PSMA2: variants seen among roughly 807,000 people sequenced by gnomAD.
The protein encoded by PSMA2 is proteasome subunit alpha type-2.
In PSMA2, 2 loss-of-function variants were observed where a neutral mutation model predicts 35.9. The observed-to-expected ratio is 0.06, with a 90% CI of 0.02 to 0.18. PSMA2 has a LOEUF of 0.18. Ranked by LOEUF, PSMA2 falls within the 10% of genes least tolerant of loss-of-function variation. The pLI, the probability that PSMA2 is intolerant of heterozygous loss-of-function variation, is 1.00. For missense variants in PSMA2, 126 were observed against 278.8 expected, an observed-to-expected ratio of 0.45 and a Z score of 3.90; for synonymous variants, 97 against 98.2, an observed-to-expected ratio of 0.99 and a Z score of 0.07.
chr7:42,918,891 T>C (rs371615205), intron 6 of PSMA2: 145 of 186,302 alleles, frequency 7.8e-4, no homozygotes, highest in African/African-American at 3.2e-3. Context: ...TGGTGCAATC[T>C]TGGCTCACTG....
intron 7 of PSMA2, 27 bp downstream of exon 7, chr7:42,917,751 A>C (rs758160167): frequency 1.5e-5 from 24 of 1,611,136 alleles, no homozygotes; most frequent in Non-Finnish European, 2.0e-5. Context: ...AATCATTATA[A>C]ATCCAGTTGT....
intron 1 of PSMA2, among the ~76,000 whole-genome samples, chr7:42,929,507 G>A (rs751508688): frequency 4.6e-5 from 7 of 152,092 alleles, no homozygotes; most frequent in Admixed American, 2.0e-4. Context: ...ACTAACCTGT[G>A]AGCTGGCTGA....
At chr7:42,928,880 A>T (rs1416272699) in intron 1 of PSMA2, among the ~76,000 whole-genome samples, 1 of 152,068 alleles carries the variant, frequency 6.6e-6, no homozygotes, top group Non-Finnish European at 1.5e-5. Flanking sequence ...GTCCTAAGGG[A>T]AGTTGCCCTG....
Position 42,926,665 on chromosome 7 carries a change from G to T in PSMA2, c.122C>A (p.Ala41Glu). ...CTCAGTTGCTAATACCACACCATTT[G>T]CAGCTTAAAAAAAAAGAGAGAGACA... ...GGAPSVGIKAANGVVLATEKK... is the reference protein window; with the variant it reads ...GGAPSVGIKAENGVVLATEKK... The change falls in exon 3 of 8, where the codon GCA becomes GAA. Residue 41 changes from alanine to glutamate, a missense_variant. Ala to Glu is a moderately radical substitution (Grantham distance 107, BLOSUM62 -1). Transcript: ENST00000223321. 1 of 1,590,228 alleles carries T rather than the reference G, an allele frequency of 6.3e-7. No homozygotes were observed. The highest frequency in any genetic ancestry group is 8.5e-7 in the Non-Finnish European group (1 of 1,172,430).
intron 5 of PSMA2, among the ~76,000 whole-genome samples, chr7:42,922,181 C>A (rs997673740): frequency 2.6e-5 from 4 of 152,076 alleles, no homozygotes; most frequent in African/African-American, 9.7e-5. Flanking sequence ...ATGGTTTCTT[C>A]AGGCATTTAC....
chr7:42,921,660 A>G, intron 6 of PSMA2, 198 bp downstream of exon 6: 1 of 389,584 alleles, frequency 2.6e-6, no homozygotes, highest in Non-Finnish European at 4.5e-6. Flanking sequence ...TCCTTAGGAA[A>G]TGAATATTAA....
intron 1 of PSMA2, among the ~76,000 whole-genome samples, chr7:42,929,791 T>A (rs568679361): frequency 6.6e-6 from 1 of 152,198 alleles, no homozygotes; most frequent in Non-Finnish European, 1.5e-5. Flanking sequence ...TATAGCACAT[T>A]TGCCTCATTT....
intron 4 of PSMA2, 38 bp from the exon 5 acceptor site, chr7:42,923,444 T>C: frequency 1.0e-5 from 16 of 1,525,234 alleles, no homozygotes; most frequent in Non-Finnish European, 1.4e-5. Flanking sequence ...GGCATTTTCA[T>C]GGTGTTAAAG....
In PSMA2 at chr7:42,917,360, A is replaced by T. The variant is rs1786047663; in HGVS notation, c.*214T>A. 2 of 436,766 alleles carry T rather than the reference A, an allele frequency of 4.6e-6. No individual in the cohort carries two copies. Among genetic ancestry groups the T allele is most frequent in the South Asian group, 7.5e-5 (2 of 26,520 alleles). The allele number at this position is 436,766 out of a possible 1,614,324, so 27.1% of individuals were successfully genotyped here. ...TAGTCTTCAGAAATCAACTGTGATAAAAAGCAGGAAATAACTGTTAAAATT... is the reference window on the plus strand; with the variant it reads ...TAGTCTTCAGAAATCAACTGTGATATAAAGCAGGAAATAACTGTTAAAATT... On this transcript the variant is annotated 3_prime_UTR_variant, in exon 8 of 8. Transcript: ENST00000223321.
At chr7:42,922,019 T>A (rs1048418156) in intron 5 of PSMA2, 88 bp from the exon 6 acceptor site, 3 of 1,016,950 alleles carry the variant, frequency 3.0e-6, no homozygotes, top group Non-Finnish European at 4.5e-6. Flanking sequence ...GCTTTATTAA[T>A]TGTTCTCTAA....
chr7:42,926,577 C>G lies in PSMA2; in HGVS notation c.210G>C (p.Lys70Asn). 7.5e-6 allele frequency: 12 copies of G among 1,609,668 alleles called. No homozygotes were observed. The highest frequency in any genetic ancestry group is 1.0e-5 in the Non-Finnish European group (12 of 1,178,798). Residue 70 changes from lysine (K) to asparagine (N), a missense_variant, in exon 3 of 8, where the codon AAG (lysine) becomes AAC (asparagine). Lys to Asn is a moderately conservative substitution (Grantham distance 94). This residue lies in a region of PSMA2 where 78 missense variants were observed against 151.1 expected (regional missense o/e 0.52). Transcript: ENST00000223321. Reference protein sequence around the residue: ...RSVHKVEPITKHIGLVYSGMG... With the variant: ...RSVHKVEPITNHIGLVYSGMG... The stretch of plus-strand genomic sequence containing the variant: ...TGCCACTGTACACCAAACCTATATG[C>G]TTGGTAATTGGTTCTACTTTGTGTA...
At position 42,917,515 on chromosome 7, in the gene PSMA2, T is replaced by G. The variant is rs1330992060; in HGVS notation, c.*59A>C. 16 of 1,321,450 alleles carry G rather than the reference T, an allele frequency of 1.2e-5. No homozygotes were observed. The highest frequency in any genetic ancestry group is 1.7e-5 in the Non-Finnish European group (16 of 925,368). 81.9% of individuals were successfully genotyped at this position (1,321,450 alleles called of 1,614,324 possible). A position where few individuals can be genotyped will look rare whatever the true frequency, so the allele number is the denominator to read the frequency against. ...AAAAGTCTGCAAAACAAAACATACT[T>G]TAAACATGTTTAAGTAGATAGATTA... On this transcript the variant is annotated 3_prime_UTR_variant, in exon 8 of 8. Coordinates refer to ENST00000223321, the MANE Select transcript of PSMA2 (RefSeq NM_002787.5).
intron 1 of PSMA2, among the ~76,000 whole-genome samples, chr7:42,929,579 A>T (rs542143870): frequency 6.6e-6 from 1 of 152,140 alleles, no homozygotes; most frequent in Non-Finnish European, 1.5e-5. Context: ...CAGCATCCCT[A>T]CATGGGATAA....
At chr7:42,930,706 T>TA (rs917352382) in intron 1 of PSMA2, among the ~76,000 whole-genome samples, 32 of 146,710 alleles carry the variant, frequency 2.2e-4, no homozygotes, top group South Asian at 4.3e-4. Flanking sequence ...CCTCATGCCT[T>TA]AAAAAAAAAA....
intron 1 of PSMA2, among the ~76,000 whole-genome samples, chr7:42,931,367 AC>A (rs1162564386): frequency 6.6e-6 from 1 of 152,222 alleles, no homozygotes; most frequent in Non-Finnish European, 1.5e-5. Context: ...TGGTTTTCTC[AC>A]GTTGAGAGCC....
At position 42,917,861 on chromosome 7, in the gene PSMA2, A is replaced by G. The variant is rs765286267; in HGVS notation, c.531-26T>C. ...CTGAAGAATTTAAAAAAAATTACTT[A>G]TATCATTGTTTATATTCTTTATAAC... On this transcript the variant is annotated intron_variant, in intron 6 of 7. Coordinates refer to ENST00000223321, the MANE Select transcript of PSMA2 (RefSeq NM_002787.5). 7.8e-6 allele frequency: 11 copies of G among 1,409,170 alleles called. No individual in the cohort carries two copies. In the Admixed American group the frequency reaches 1.5e-4, roughly 19 times the overall value. The allele number at this position is 1,409,170 out of a possible 1,614,324, so 87.3% of individuals were successfully genotyped here. A position where few individuals can be genotyped will look rare whatever the true frequency, so the allele number is the denominator to read the frequency against.
chr7:42,931,025 G>A, intron 1 of PSMA2: 1 of 299,478 alleles, frequency 3.3e-6, no homozygotes, highest in Middle Eastern at 5.0e-4. Flanking sequence ...TTAAGACAAC[G>A]TTATGTAATG....
intron 1 of PSMA2, among the ~76,000 whole-genome samples, chr7:42,927,906 C>T (rs1405171785): frequency 6.8e-6 from 1 of 147,530 alleles, no homozygotes; most frequent in Non-Finnish European, 1.5e-5. Context: ...AACCTCGTCT[C>T]AAAAAAAAAA....
intron 4 of PSMA2, 25 bp downstream of exon 4, chr7:42,924,650 A>C (rs1387206364): frequency 6.2e-7 from 1 of 1,600,398 alleles, no homozygotes; most frequent in African/African-American, 1.3e-5. Context: ...TTCATGGCAC[A>C]TTTCAAGTAA....
Sources: allele counts gnomAD v4.1 joint callset (sites outside exome capture counted in the v4.1 genomes callset), GRCh38; gene constraint gnomAD v4.1.1; regional missense constraint gnomAD v4.1.1; transcripts MANE v1.5; gene names NCBI Gene and HGNC (gene_info 2026-07-23, HGNC 2026-07-21).